COL22A1: variants seen among roughly 807,000 people sequenced by gnomAD.
COL22A1 encodes the protein collagen alpha-1(XXII) chain.
In COL22A1, 221 loss-of-function variants were observed where a neutral mutation model predicts 248.9. That is an observed-to-expected ratio of 0.89 (90% CI 0.80 to 0.99). The LOEUF (loss-of-function observed/expected upper bound fraction) is 0.99. Ranked by LOEUF, COL22A1 falls within the 50% of genes least tolerant of loss-of-function variation. The pLI, the probability that COL22A1 is intolerant of heterozygous loss-of-function variation, is 0.00. For synonymous variants in COL22A1, 891 were observed against 793.4 expected (o/e 1.12, Z -2.07); for missense variants, 2,240 against 2,179.0 (o/e 1.03, Z -0.56).
At chr8:138,883,437 C>T (rs907236014) in intron 1 of COL22A1, among the ~76,000 whole-genome samples, 193 bp from the exon 2 acceptor site, 3 of 152,232 alleles carry the variant, frequency 2.0e-5, no homozygotes, top group South Asian at 2.1e-4. Flanking sequence ...CATGGATTTA[C>T]GCCTGGATCC....
At chr8:138,784,246 G>T (rs1177518986) in intron 12 of COL22A1, among the ~76,000 whole-genome samples, 3 of 152,236 alleles carry the variant, frequency 2.0e-5, no homozygotes, top group Admixed American at 2.0e-4. Context: ...TCCTTGGCTG[G>T]ATACAAAGGG....
At chr8:138,609,425 C>T (rs562555852) in intron 56 of COL22A1, among the ~76,000 whole-genome samples, 1 of 152,286 alleles carries the variant, frequency 6.6e-6, no homozygotes, top group South Asian at 2.1e-4. Flanking sequence ...GTCACTGGAT[C>T]CTGCTGGGAA....
At chr8:138,608,765 C>A (rs1010177080) in intron 56 of COL22A1, among the ~76,000 whole-genome samples, 1 of 152,202 alleles carries the variant, frequency 6.6e-6, no homozygotes, top group Admixed American at 6.5e-5. Flanking sequence ...AGGCTGTGTT[C>A]GTCTCTTCCT....
intron 50 of COL22A1, among the ~76,000 whole-genome samples, chr8:138,628,036 T>C (rs1481195431): frequency 1.3e-5 from 2 of 152,142 alleles, no homozygotes; most frequent in Non-Finnish European, 2.9e-5. Flanking sequence ...AATCTAGAAC[T>C]CTACATTCAT....
At chr8:138,694,401 C>T (rs1827328837) in intron 34 of COL22A1, 107 bp downstream of exon 34, 1 of 1,154,902 alleles carries the variant, frequency 8.7e-7, no homozygotes, top group Non-Finnish European at 1.3e-6. Flanking sequence ...CCAGCGTCTA[C>T]TCCCAAAATG....
At chr8:138,902,695 G>A (rs1487858278) in intron 1 of COL22A1, among the ~76,000 whole-genome samples, 7 of 142,926 alleles carry the variant, frequency 4.9e-5, no homozygotes, top group South Asian at 2.2e-4. Context: ...GACAGAGCAA[G>A]ACTCCGTCTC....
chr8:138,829,952 A>G (rs750823326), intron 5 of COL22A1, among the ~76,000 whole-genome samples: 1 of 152,210 alleles, frequency 6.6e-6, no homozygotes, highest in Non-Finnish European at 1.5e-5. Context: ...GTGTGTATAT[A>G]TATATGTATA....
At chr8:138,806,129 G>GCTGTGTGGTGTGTGTGTGAGATGGTGC (rs1817678610) in intron 10 of COL22A1, among the ~76,000 whole-genome samples, 1 of 93,828 alleles carries the variant, frequency 1.1e-5, no homozygotes, top group Non-Finnish European at 2.3e-5. Context: ...TGTAGGTAAT[G>GCTGTGTGGTGTGTGTGTGAGATGGTGC]GTGTGTGGTG....
chr8:138,607,926 G>A lies in COL22A1; in HGVS notation c.4032+10C>T, dbSNP rs775090553. 10 of 1,613,664 alleles carry A rather than the reference G, an allele frequency of 6.2e-6. No individual in the cohort carries two copies. The highest frequency in any genetic ancestry group is 8.5e-6 in the Non-Finnish European group (10 of 1,179,806). ...CTGATGCCATCACATAGCAGCCAAA[G>A]AGAACTCACAGGGGTTCCTGAAGGG... On this transcript the variant is annotated intron_variant, in intron 57 of 64. Coordinates refer to ENST00000303045, the MANE Select transcript of COL22A1 (RefSeq NM_152888.3).
chr8:138,888,593 C>T (rs1824835609), intron 1 of COL22A1, among the ~76,000 whole-genome samples: 1 of 152,178 alleles, frequency 6.6e-6, no homozygotes, highest in African/African-American at 2.4e-5. Context: ...CTAAAGGCCA[C>T]TTGTGAGAGC....
At position 138,691,246 on chromosome 8, in the gene COL22A1, T is replaced by C. The variant is rs573026503; in HGVS notation, c.2755-372A>G. On this transcript the variant is annotated intron_variant, in intron 35 of 64. Transcript: ENST00000303045. ...CTAAGTGCATGAGGAAAAGGAAACA[T>C]TGAAAAATGAACAGTTCAGATCTCA... 1.8e-3 allele frequency among the ~76,000 whole-genome samples: 269 copies of C among 152,314 alleles called. 1 individual carries two copies. The highest frequency in any genetic ancestry group is 6.2e-3 in the African/African-American group (259 of 41,572).
intron 30 of COL22A1, among the ~76,000 whole-genome samples, chr8:138,709,352 A>G (rs28769370): frequency 0.32 from 49,216 of 151,758 alleles, 8,053 homozygotes; most frequent in Middle Eastern, 0.34. Context: ...TGTTTATTGC[A>G]GCACTATTCA....
chr8:138,655,876 G>A lies in COL22A1; in HGVS notation c.3333+21C>T, dbSNP rs114582305. 4,410 of 1,591,748 alleles carry A rather than the reference G, an allele frequency of 2.8e-3. 99 individuals carry two copies. In the African/African-American group the frequency reaches 0.053, roughly 19 times the overall value. ...CCATCACCATTTTCAAAACACATGC[G>A]CATTTATTGTATGCTTTTACCTTAG... On this transcript the variant is annotated intron_variant, in intron 45 of 64. Transcript: ENST00000303045.
chr8:138,732,384 T>G (rs141842219), intron 23 of COL22A1, among the ~76,000 whole-genome samples: 1 of 152,316 alleles, frequency 6.6e-6, no homozygotes, highest in Non-Finnish European at 1.5e-5. Context: ...AATCTGGGAC[T>G]TTGGTTGAGG....
intron 2 of COL22A1, 114 bp from the exon 3 acceptor site, chr8:138,878,430 G>A: frequency 1.1e-6 from 1 of 915,812 alleles, no homozygotes; most frequent in Non-Finnish European, 1.6e-6. Context: ...TACCTGCCCT[G>A]TCTCTCATGA....
chr8:138,904,809 C>T (rs1814892783), intron 1 of COL22A1, among the ~76,000 whole-genome samples: 2 of 152,190 alleles, frequency 1.3e-5, no homozygotes, highest in Non-Finnish European at 2.9e-5. Flanking sequence ...GCCATCCCAG[C>T]AGGCTCCCCT....
chr8:138,788,495 G>A (rs1272755383), intron 12 of COL22A1, among the ~76,000 whole-genome samples: 8 of 152,116 alleles, frequency 5.3e-5, no homozygotes, highest in African/African-American at 1.4e-4. Flanking sequence ...TTGTAAATAC[G>A]AGGTACTATC....
chr8:138,806,222 TG>T (rs1263153746), intron 10 of COL22A1, among the ~76,000 whole-genome samples: 3 of 94,290 alleles, frequency 3.2e-5, no homozygotes, highest in African/African-American at 4.4e-5. Context: ...GTATGTGTGA[TG>T]GGGTATGTGT....
chr8:138,755,761 T>C (rs1407344242), intron 19 of COL22A1, 24 bp downstream of exon 19: 1 of 1,613,540 alleles, frequency 6.2e-7, no homozygotes, highest in African/African-American at 1.3e-5. Flanking sequence ...CCTGCATCCA[T>C]GATTCCAACC....
Sources: gnomAD v4.1 joint callset for allele counts (sites outside exome capture counted in the v4.1 genomes callset) on GRCh38, gnomAD v4.1.1 for gene constraint, MANE v1.5 for transcripts, NCBI Gene and HGNC (gene_info 2026-07-23, HGNC 2026-07-21) for gene names.